The following LOXHD1 variants were observed in gnomAD, a reference collection of about 807,000 sequenced individuals.
LOXHD1 encodes the protein lipoxygenase homology PLAT domains 1, also known as lipoxygenase homology domain-containing protein 1.
LOXHD1 carries 205 observed loss-of-function variants against 248.2 expected under a neutral mutation model. The ratio of observed to expected loss-of-function variants is 0.83; its 90% CI spans 0.74 to 0.93. The LOEUF is 0.93. LOXHD1 is among the 40% of genes least tolerant of loss of function. The pLI is 0.00. For missense variants in LOXHD1, 2,930 were observed against 2,971.6 expected, an observed-to-expected ratio of 0.99 and a Z score of 0.33; for synonymous variants, 1,113 against 1,162.8, an observed-to-expected ratio of 0.96 and a Z score of 0.87.
At position 46,524,767 on chromosome 18, in the gene LOXHD1, C is replaced by T. The variant is rs746890165; in HGVS notation, c.4681G>A (p.Gly1561Arg). ...TNEDEFLFLC[G>R]RWLSLKKEDG... ...TCCTTCTTCAGGGAGAGCCAGCGCC[C>T]GCATAGGAACAGGAACTCGTCCTCG... Residue 1561 changes from glycine (G) to arginine (R), a missense_variant, in exon 30 of 41, where the codon GGG becomes AGG. Coordinates refer to ENST00000642948, the MANE Select transcript of LOXHD1 (RefSeq NM_001384474.1). 8.4e-6 allele frequency: 13 copies of T among 1,551,740 alleles called. No individual in the cohort carries two copies. Among genetic ancestry groups the T allele is most frequent in the South Asian group, 3.6e-5 (3 of 84,060 alleles).
chr18:46,559,129 T>A, intron 20 of LOXHD1: 1 of 1,347,958 alleles, frequency 7.4e-7, no homozygotes, highest in Non-Finnish European at 9.7e-7. Flanking sequence ...CAAGACACCA[T>A]CTTGCGGCGA....
At chr18:46,585,751 AATC>A (rs2038047573) in intron 12 of LOXHD1, among the ~76,000 whole-genome samples, 1 of 152,190 alleles carries the variant, frequency 6.6e-6, no homozygotes, top group Admixed American at 6.5e-5. Context: ...GAGAATGAAT[AATC>A]AAGGAGAAGA....
intron 30 of LOXHD1, 25 bp downstream of exon 30, chr18:46,524,683 A>T: frequency 6.4e-7 from 1 of 1,551,486 alleles, no homozygotes; most frequent in Non-Finnish European, 8.7e-7. Flanking sequence ...GGATGGCCAC[A>T]GGCCCTATAT....
chr18:46,616,264 T>C (rs2038585605), intron 5 of LOXHD1, among the ~76,000 whole-genome samples: 1 of 152,220 alleles, frequency 6.6e-6, no homozygotes, highest in African/African-American at 2.4e-5. Flanking sequence ...TTTTATGTCT[T>C]CCTTTGGTTT....
intron 16 of LOXHD1, among the ~76,000 whole-genome samples, chr18:46,567,680 T>A (rs2037670976): frequency 6.6e-6 from 1 of 152,260 alleles, no homozygotes; most frequent in African/African-American, 2.4e-5. Flanking sequence ...TACTCAGCAC[T>A]TAGTATGAGC....
At chr18:46,563,625 G>A (rs902481210) in intron 17 of LOXHD1, among the ~76,000 whole-genome samples, 5 of 152,136 alleles carry the variant, frequency 3.3e-5, no homozygotes, top group Admixed American at 3.3e-4. Flanking sequence ...TAAAAGGTGG[G>A]ACCTTTAAGG....
intron 34 of LOXHD1, among the ~76,000 whole-genome samples, chr18:46,515,783 C>T (rs543551862): frequency 4.6e-5 from 7 of 152,278 alleles, no homozygotes; most frequent in Non-Finnish European, 7.4e-5. Flanking sequence ...TCTGAGCTGC[C>T]TCCTCTGCAG....
At chr18:46,593,557 C>T (rs948193823) in intron 10 of LOXHD1, 43 bp downstream of exon 10, 11 of 1,547,576 alleles carry the variant, frequency 7.1e-6, no homozygotes, top group Non-Finnish European at 9.6e-6. Context: ...GCCCTACATC[C>T]CTTCCTCCTT....
At chr18:46,482,381 GCT>G (rs147662879) in intron 40 of LOXHD1, among the ~76,000 whole-genome samples, 1 of 151,974 alleles carries the variant, frequency 6.6e-6, no homozygotes, top group Non-Finnish European at 1.5e-5. Context: ...AGAAACCAGA[GCT>G]CTCTCTCTCT....
At chr18:46,592,147 T>A in intron 11 of LOXHD1, 79 bp from the exon 12 acceptor site, 3 of 1,493,624 alleles carry the variant, frequency 2.0e-6, no homozygotes, top group Non-Finnish European at 2.7e-6. Context: ...TTCTGCTATC[T>A]CATTGCAGAG....
At chr18:46,584,619 T>C (rs1258244685) in intron 12 of LOXHD1, among the ~76,000 whole-genome samples, 1 of 152,136 alleles carries the variant, frequency 6.6e-6, no homozygotes, top group Non-Finnish European at 1.5e-5. Flanking sequence ...CAGATGTTTT[T>C]ATTACTGAAT....
intron 4 of LOXHD1, 86 bp from the exon 5 acceptor site, chr18:46,618,376 C>T: frequency 1.2e-6 from 1 of 831,404 alleles, no homozygotes; most frequent in Non-Finnish European, 2.0e-6. Context: ...ACACCATCTA[C>T]ACTTACCCCC....
In LOXHD1 at chr18:46,641,879, C is replaced by A. The variant is rs145925141; in HGVS notation, c.326+77G>T. On this transcript the variant is annotated intron_variant, in intron 3 of 40. Coordinates refer to ENST00000642948, the MANE Select transcript of LOXHD1 (RefSeq NM_001384474.1). ...ATAACATCTGGGAAGTAATTCATACCCAGAAATTGTCAATATTGAAGTCAA... is the reference window on the plus strand; with the variant it reads ...ATAACATCTGGGAAGTAATTCATACACAGAAATTGTCAATATTGAAGTCAA... 4.3e-6 allele frequency: 6 copies of A among 1,391,062 alleles called. No individual in the cohort carries two copies. The East Asian group carries it at 1.0e-4, about 24-fold the overall frequency. The allele number at this position is 1,391,062 out of a possible 1,614,324, so 86.2% of individuals were successfully genotyped here.
chr18:46,523,017 G>A (rs534942813), intron 31 of LOXHD1, among the ~76,000 whole-genome samples: 3 of 151,792 alleles, frequency 2.0e-5, no homozygotes, highest in East Asian at 1.9e-4. Context: ...GCACGATCTC[G>A]GCTCACCGCA....
intron 36 of LOXHD1, 114 bp downstream of exon 36, chr18:46,507,424 A>T: frequency 8.7e-7 from 1 of 1,150,862 alleles, no homozygotes; most frequent in Non-Finnish European, 1.2e-6. Context: ...TGGATTGACT[A>T]GATTTTGGAA....
At chr18:46,528,234 T>C (rs2035908954) in intron 29 of LOXHD1, among the ~76,000 whole-genome samples, 2 of 151,928 alleles carry the variant, frequency 1.3e-5, no homozygotes, top group South Asian at 4.2e-4. Context: ...CTTAACCTGA[T>C]CTCCCTGTGG....
chr18:46,511,461 C>T (rs902138867), intron 34 of LOXHD1, among the ~76,000 whole-genome samples: 1 of 152,168 alleles, frequency 6.6e-6, no homozygotes, highest in Non-Finnish European at 1.5e-5. Flanking sequence ...TAGGAAGGGC[C>T]CCCTTTGGCT....
intron 34 of LOXHD1, among the ~76,000 whole-genome samples, chr18:46,515,631 G>T (rs896245018): frequency 6.6e-6 from 1 of 152,164 alleles, no homozygotes; most frequent in African/African-American, 2.4e-5. Context: ...AAAACAAGTT[G>T]GAATGTAGGA....
intron 19 of LOXHD1, 31 bp downstream of exon 19, chr18:46,560,045 CACTCCCT>C: frequency 1.5e-6 from 2 of 1,344,092 alleles, no homozygotes; most frequent in Non-Finnish European, 2.1e-6. Flanking sequence ...ACTGTCTGGC[CACTCCCT>C]CCCCACCCCC....
Sources: allele counts gnomAD v4.1 joint callset (sites outside exome capture counted in the v4.1 genomes callset), GRCh38; gene constraint gnomAD v4.1.1; transcripts MANE v1.5; gene names NCBI Gene and HGNC (gene_info 2026-07-23, HGNC 2026-07-21).